Variants in LCT observed in about 807,000 individuals in gnomAD.
LCT encodes the protein lactase/phlorizin hydrolase.
Under a neutral mutation model 173.0 loss-of-function variants are expected in LCT, and 90 were observed. The observed-to-expected ratio is 0.52, with a 90% CI of 0.44 to 0.62. The LOEUF (loss-of-function observed/expected upper bound fraction) is 0.62, where lower values mean the gene tolerates loss of function less well. Among genes scored for constraint, LCT ranks in the 20% least tolerant of loss-of-function variants. The pLI is 0.00. For synonymous variants in LCT, 853 were observed against 957.6 expected (o/e 0.89, Z 2.02); for missense variants, 1,864 against 2,431.4 (o/e 0.77, Z 4.91).
chr2:135,816,819 T>A (rs972644098), intron 6 of LCT, among the ~76,000 whole-genome samples: 2 of 152,196 alleles, frequency 1.3e-5, no homozygotes, highest in African/African-American at 4.8e-5. Flanking sequence ...GTAATAACTA[T>A]TATATTTTAA....
chr2:135,809,163 T>G lies in LCT; in HGVS notation c.3184A>C (p.Thr1062Pro). 1 of 1,614,174 alleles carries G rather than the reference T, an allele frequency of 6.2e-7. No homozygotes were observed. Among genetic ancestry groups the G allele is most frequent in the Non-Finnish European group, 8.5e-7 (1 of 1,180,040 alleles). ...TFGDRVKFWM[T>P]FNEPMYLAWL... ...GCCAGGTACATGGGCTCATTAAAAG[T>G]CATCCAAAACTTGACTCTATCACCA... is the stretch of plus-strand genomic sequence containing the variant. Residue 1062 changes from threonine (T) to proline (P), a missense_variant, in exon 8 of 17, where the codon ACT becomes CCT. Transcript: ENST00000264162. The surrounding 1 kb of genome is among the most constrained non-coding windows in gnomAD (Gnocchi z 5.5).
At chr2:135,825,740 A>G (rs928540787) in intron 3 of LCT, among the ~76,000 whole-genome samples, 34 of 152,174 alleles carry the variant, frequency 2.2e-4, no homozygotes, top group Non-Finnish European at 3.5e-4. Flanking sequence ...CCTGAGGCTC[A>G]GAGAGGGCTG....
At chr2:135,813,691 TA>T (rs2077754074) in intron 6 of LCT, among the ~76,000 whole-genome samples, 1 of 152,238 alleles carries the variant, frequency 6.6e-6, no homozygotes, top group Non-Finnish European at 1.5e-5. Context: ...CTGTTACTGT[TA>T]CCCACACTGC....
intron 3 of LCT, among the ~76,000 whole-genome samples, chr2:135,825,008 A>G (rs2077873835): frequency 6.6e-6 from 1 of 151,586 alleles, no homozygotes; most frequent in Non-Finnish European, 1.5e-5. Flanking sequence ...AAAAAAAAAA[A>G]AGAAAAAGAA....
At chr2:135,813,061 T>A in intron 6 of LCT, 105 bp from the exon 7 acceptor site, 1 of 981,010 alleles carries the variant, frequency 1.0e-6, no homozygotes, top group Non-Finnish European at 1.6e-6. Context: ...AACAAGTCAA[T>A]AAAGACAACA....
chr2:135,832,679 T>C (rs2077949920), intron 2 of LCT, among the ~76,000 whole-genome samples: 1 of 151,700 alleles, frequency 6.6e-6, no homozygotes, highest in Admixed American at 6.6e-5. Context: ...AAGAAGGAGT[T>C]TTGCCATGTT....
At chr2:135,824,522 C>T (rs796779347) in intron 3 of LCT, among the ~76,000 whole-genome samples, 2 of 152,026 alleles carry the variant, frequency 1.3e-5, no homozygotes, top group Non-Finnish European at 2.9e-5. Context: ...GCCTGGGTGA[C>T]AGAGCAAGAT....
chr2:135,800,394 AT>A (rs966881886), intron 12 of LCT, among the ~76,000 whole-genome samples: 3 of 151,242 alleles, frequency 2.0e-5, no homozygotes, highest in Non-Finnish European at 3.0e-5. Flanking sequence ...TGCCCTAATA[AT>A]TTTTTTTTCT....
At position 135,808,531 on chromosome 2, in the gene LCT, G is replaced by T. The variant is rs375845174; in HGVS notation, c.3816C>A (p.Thr1272=). 6.2e-7 allele frequency: 1 copy of T among 1,614,188 alleles called. No homozygotes were observed. The highest frequency in any genetic ancestry group is 8.5e-7 in the Non-Finnish European group (1 of 1,180,032). The change falls in exon 8 of 17, where the codon ACC becomes ACA. Residue 1272 remains threonine, a synonymous_variant. Transcript: ENST00000264162. ...GATTGGTCAGCCCCACTCCGTTTTC[G>T]GTGATGTAAATGGGGATGTCACCAT... ...EEYGDIPIYI[T]ENGVGLTNPN... is the part of the protein sequence containing the mutation.
At chr2:135,811,721 G>T (rs1441912008) in intron 7 of LCT, among the ~76,000 whole-genome samples, 1 of 141,348 alleles carries the variant, frequency 7.1e-6, no homozygotes, top group Non-Finnish European at 1.5e-5. Flanking sequence ...AAAAAAAAAA[G>T]ATAATGAGGC....
chr2:135,834,612 ACCC>A (rs1236468839), intron 1 of LCT, among the ~76,000 whole-genome samples: 5 of 148,370 alleles, frequency 3.4e-5, no homozygotes, highest in African/African-American at 9.9e-5. Flanking sequence ...ACACGGTGAA[ACCC>A]CATCTCTACT....
chr2:135,789,812 G>A lies in LCT; in HGVS notation c.5336-14C>T. 6.2e-7 allele frequency: 1 copy of A among 1,606,504 alleles called. No individual in the cohort carries two copies. The highest frequency in any genetic ancestry group is 8.5e-7 in the Non-Finnish European group (1 of 1,173,022). On this transcript the variant is annotated splice_polypyrimidine_tract_variant and intron_variant, in intron 15 of 16. Transcript: ENST00000264162. ...TGTCCTGCACAGCTGCTCAAACACAGAGGACTAGGCATAAGTTTCCTATCT... is the reference window on the plus strand; with the variant it reads ...TGTCCTGCACAGCTGCTCAAACACAAAGGACTAGGCATAAGTTTCCTATCT...
chr2:135,824,935 A>G (rs2077872323), intron 3 of LCT, among the ~76,000 whole-genome samples: 2 of 151,416 alleles, frequency 1.3e-5, no homozygotes, highest in Admixed American at 6.6e-5. Flanking sequence ...CTCAAGAGGC[A>G]GAGGTTGCAG....
At chr2:135,814,757 C>T (rs1427391078) in intron 6 of LCT, among the ~76,000 whole-genome samples, 8 of 152,124 alleles carry the variant, frequency 5.3e-5, no homozygotes, top group Admixed American at 2.0e-4. Flanking sequence ...TCTCGTGATC[C>T]GCCCGCCTCG....
At chr2:135,794,880 T>C (rs947282442) in intron 13 of LCT, 105 bp from the exon 14 acceptor site, 3 of 1,294,070 alleles carry the variant, frequency 2.3e-6, no homozygotes, top group Admixed American at 1.7e-5. Context: ...CCCAGGCACT[T>C]GGCAGTGAGT....
chr2:135,816,759 T>C (rs2077783817), intron 6 of LCT, among the ~76,000 whole-genome samples: 1 of 152,206 alleles, frequency 6.6e-6, no homozygotes, highest in Non-Finnish European at 1.5e-5. Flanking sequence ...CATGACCACA[T>C]TGTTTATCCT....
At chr2:135,821,917 C>A in intron 5 of LCT, 103 bp downstream of exon 5, 1 of 782,576 alleles carries the variant, frequency 1.3e-6, no homozygotes, top group Non-Finnish European at 2.3e-6. Context: ...ACTTGGTGGC[C>A]CAAGAGTTGA....
chr2:135,816,271 C>T (rs1347630143), intron 6 of LCT, among the ~76,000 whole-genome samples: 2 of 152,162 alleles, frequency 1.3e-5, no homozygotes, highest in South Asian at 2.1e-4. Context: ...TCTCAGTGAG[C>T]GTATTGAGGA....
intron 11 of LCT, among the ~76,000 whole-genome samples, chr2:135,803,206 C>A (rs1433313240): frequency 6.6e-6 from 1 of 152,106 alleles, no homozygotes; most frequent in Non-Finnish European, 1.5e-5. Flanking sequence ...TTTCCCAACA[C>A]AAAGAAATGA....
Sources: allele counts gnomAD v4.1 joint callset (sites outside exome capture counted in the v4.1 genomes callset), GRCh38; gene constraint gnomAD v4.1.1; non-coding constraint Gnocchi (gnomAD v3.1); transcripts MANE v1.5; gene names NCBI Gene and HGNC (gene_info 2026-07-23, HGNC 2026-07-21).